Variants in TCERG1L observed in about 807,000 individuals in gnomAD.
TCERG1L encodes transcription elongation regulator 1 like.
TCERG1L carries 37 observed loss-of-function variants against 56.3 expected under a neutral mutation model. The ratio of observed to expected loss-of-function variants is 0.66; its 90% CI spans 0.51 to 0.87. The LOEUF is 0.87. Among genes scored for constraint, TCERG1L ranks in the 40% least tolerant of loss-of-function variants. The pLI is 0.00. For missense variants in TCERG1L, 799 were observed against 774.2 expected (o/e 1.03, Z -0.38); for synonymous variants, 324 against 326.3 (o/e 0.99, Z 0.08).
rs763046074 is a variant in TCERG1L, at chr10:131,146,645, C to T, written c.1050G>A (p.Thr350=). Residue 350 remains threonine, a synonymous_variant, in exon 7 of 12, where the codon ACG becomes ACA. Coordinates refer to ENST00000368642, the MANE Select transcript of TCERG1L (RefSeq NM_174937.4). ...TGAAGAAGAAAACTCGGTCATCGCC[C>T]GTCCAGACCACACACCTGTTTGAGT... ...VPGSPWCVVW[T]GDDRVFFFNP... 10 of 1,613,038 alleles carry T rather than the reference C, an allele frequency of 6.2e-6. 1 individual carries two copies. The highest frequency in any genetic ancestry group is 4.4e-5 in the South Asian group (4 of 90,970).
chr10:131,116,285 G>C (rs953127802), intron 9 of TCERG1L, among the ~76,000 whole-genome samples: 27 of 152,284 alleles, frequency 1.8e-4, no homozygotes, highest in African/African-American at 5.8e-4. Flanking sequence ...TGAAGGGAGG[G>C]AGTACCACTA....
chr10:131,204,135 G>A (rs60729692), intron 4 of TCERG1L, among the ~76,000 whole-genome samples: 3,487 of 152,336 alleles, frequency 0.023, 130 homozygotes, highest in African/African-American at 0.079. Context: ...ACAGCAAGGA[G>A]GCGCCATCTT....
At chr10:131,273,648 C>T (rs886833095) in intron 3 of TCERG1L, among the ~76,000 whole-genome samples, 22 of 152,142 alleles carry the variant, frequency 1.4e-4, no homozygotes, top group African/African-American at 4.6e-4. Flanking sequence ...GGCTCCAGGG[C>T]GGAGGGCGTC....
chr10:131,100,008 T>C (rs544422065), intron 10 of TCERG1L, among the ~76,000 whole-genome samples: 1 of 152,086 alleles, frequency 6.6e-6, no homozygotes, highest in Non-Finnish European at 1.5e-5. Flanking sequence ...GGACTATAGG[T>C]GTGTGCCGCC....
At chr10:131,100,582 A>G (rs186963848) in intron 10 of TCERG1L, among the ~76,000 whole-genome samples, 37 of 152,308 alleles carry the variant, frequency 2.4e-4, no homozygotes, top group Non-Finnish European at 5.3e-4. Context: ...TGTATGTTCT[A>G]GCGCAAAAAA....
chr10:131,271,085 G>A (rs1052629725), intron 3 of TCERG1L, among the ~76,000 whole-genome samples: 4 of 152,188 alleles, frequency 2.6e-5, no homozygotes, highest in Non-Finnish European at 4.4e-5. Context: ...ATACCAGGAG[G>A]GCAGCCCTGC....
intron 3 of TCERG1L, among the ~76,000 whole-genome samples, chr10:131,287,674 G>C (rs987771846): frequency 2.0e-5 from 3 of 152,134 alleles, no homozygotes; most frequent in Non-Finnish European, 4.4e-5. Context: ...TCTAGAGCGG[G>C]CTTACTCAGG....
At chr10:131,117,929 G>T (rs1397281916) in intron 8 of TCERG1L, among the ~76,000 whole-genome samples, 1 of 152,208 alleles carries the variant, frequency 6.6e-6, no homozygotes, top group East Asian at 1.9e-4. Context: ...TCTTGTGTCT[G>T]GCTTCCCCTC....
chr10:131,248,901 C>T lies in TCERG1L; in HGVS notation c.856+11358G>A, dbSNP rs114890901. Among the ~76,000 whole-genome samples the T allele has an allele frequency of 3.6e-3, 548 of 152,336 alleles. 5 individuals are homozygous for T. Among genetic ancestry groups the T allele is most frequent in the African/African-American group, 0.011 (463 of 41,576 alleles). On this transcript the variant is annotated intron_variant, in intron 4 of 11. Coordinates refer to ENST00000368642, the MANE Select transcript of TCERG1L (RefSeq NM_174937.4). Reference sequence around the variant, plus strand: ...TCGGCTTCTGACTGGGGGTGCCCAGCCCTCCAGGTCATGCCCATCCCTGGA... The same window carrying T: ...TCGGCTTCTGACTGGGGGTGCCCAGTCCTCCAGGTCATGCCCATCCCTGGA...
chr10:131,106,695 G>A (rs929351110), intron 9 of TCERG1L, among the ~76,000 whole-genome samples: 3 of 152,096 alleles, frequency 2.0e-5, no homozygotes, highest in African/African-American at 7.2e-5. Flanking sequence ...CCTGGGATCC[G>A]GGCAGATGAA....
In TCERG1L at chr10:131,109,305, A is replaced by G. The variant is rs959946921; in HGVS notation, c.1396-4951T>C. On this transcript the variant is annotated intron_variant, in intron 9 of 11. Transcript: ENST00000368642. Reference sequence around the variant, plus strand: ...CACCCCCTTCCTCACCCCGCTGTACATCGTCACATCACGCCCTGACGAACA... The same window carrying G: ...CACCCCCTTCCTCACCCCGCTGTACGTCGTCACATCACGCCCTGACGAACA... 7.2e-5 allele frequency among the ~76,000 whole-genome samples: 11 copies of G among 152,282 alleles called. No homozygotes were observed. In the Middle Eastern group the frequency reaches 0.01, roughly 141 times the overall value.
chr10:131,257,026 AAAG>A (rs1428881891), intron 4 of TCERG1L, among the ~76,000 whole-genome samples: 9 of 149,066 alleles, frequency 6.0e-5, no homozygotes, highest in African/African-American at 2.2e-4. Context: ...AGAAAGAAAG[AAAG>A]AAAGAAAGAA....
chr10:131,102,929 T>A (rs573889129), intron 10 of TCERG1L, among the ~76,000 whole-genome samples: 1 of 152,146 alleles, frequency 6.6e-6, no homozygotes, highest in Admixed American at 6.5e-5. Flanking sequence ...TGGAAAGCAG[T>A]GTTGGCTCAG....
At chr10:131,104,847 G>A (rs1845336068) in intron 9 of TCERG1L, among the ~76,000 whole-genome samples, 1 of 152,204 alleles carries the variant, frequency 6.6e-6, no homozygotes, top group African/African-American at 2.4e-5. Context: ...AAATTTGCAA[G>A]AATATTACAG....
chr10:131,175,691 A>G (rs934422038), intron 4 of TCERG1L, among the ~76,000 whole-genome samples: 1 of 152,256 alleles, frequency 6.6e-6, no homozygotes, highest in Non-Finnish European at 1.5e-5. Context: ...ATTAAACCAG[A>G]CAATTTCTAT....
At chr10:131,180,066 C>T (rs568401524) in intron 4 of TCERG1L, among the ~76,000 whole-genome samples, 43 of 152,318 alleles carry the variant, frequency 2.8e-4, no homozygotes, top group African/African-American at 8.9e-4. Flanking sequence ...TCTTCCTGGT[C>T]TGGCAGGCAG....
chr10:131,248,226 C>T (rs1846062523), intron 4 of TCERG1L, among the ~76,000 whole-genome samples: 1 of 147,756 alleles, frequency 6.8e-6, no homozygotes, highest in Admixed American at 6.7e-5. Context: ...TCACACACAA[C>T]TCACACACAC....
At chr10:131,270,571 T>C (rs974602809) in intron 3 of TCERG1L, among the ~76,000 whole-genome samples, 10 of 152,182 alleles carry the variant, frequency 6.6e-5, no homozygotes, top group Non-Finnish European at 1.5e-4. Context: ...GAGGAGAGGG[T>C]GCGGAGCCAA....
At chr10:131,227,568 A>G (rs939237859) in intron 4 of TCERG1L, among the ~76,000 whole-genome samples, 1 of 152,156 alleles carries the variant, frequency 6.6e-6, no homozygotes, top group Non-Finnish European at 1.5e-5. Flanking sequence ...CCCGGAAAGG[A>G]CCGCCCAGCC....
Sources: allele counts gnomAD v4.1 joint callset (sites outside exome capture counted in the v4.1 genomes callset), GRCh38; gene constraint gnomAD v4.1.1; transcripts MANE v1.5; gene names NCBI Gene and HGNC (gene_info 2026-07-23, HGNC 2026-07-21).